Variants in TTC19 observed in about 807,000 individuals in gnomAD.
TTC19 encodes tetratricopeptide repeat protein 19, mitochondrial.
Under a neutral mutation model 49.5 loss-of-function variants are expected in TTC19, and 38 were observed. The ratio of observed to expected loss-of-function variants is 0.77; its 90% CI spans 0.59 to 1.01. The LOEUF (loss-of-function observed/expected upper bound fraction) is 1.01, where lower values mean the gene tolerates loss of function less well. Ranked by LOEUF, TTC19 falls within the 50% of genes least tolerant of loss-of-function variation. The pLI, the probability that TTC19 is intolerant of heterozygous loss-of-function variation, is 0.00. For missense variants in TTC19, 475 were observed against 477.7 expected (o/e 0.99, Z 0.05); for synonymous variants, 204 against 185.2 (o/e 1.10, Z -0.83).
At chr17:16,001,047 C>A (rs985018377) in intron 2 of TTC19, among the ~76,000 whole-genome samples, 2 of 152,166 alleles carry the variant, frequency 1.3e-5, no homozygotes, top group East Asian at 1.9e-4. Context: ...CTTGCTGTCA[C>A]CCTAGTGCAA....
Position 16,041,557 on chromosome 17 carries a change from GCCC to G in TTC19, c.248-2942_248-2940del, listed in dbSNP as rs377594813. Among the ~76,000 whole-genome samples the G allele has an allele frequency of 5.3e-5, 8 of 150,892 alleles. No individual in the cohort carries two copies. In the East Asian group the frequency reaches 1.4e-3, roughly 26 times the overall value. On this transcript the variant is annotated intron_variant, in intron 2 of 2. Coordinates refer to the TTC19 transcript ENST00000470649. ...GCCTCCCGAGCAGCTGGGATTATAGGCCCCCCGCCACCATGCCCAGCTAATTTT... is the reference window on the plus strand; with the variant it reads ...GCCTCCCGAGCAGCTGGGATTATAGGCCCGCCACCATGCCCAGCTAATTTT...
At chr17:16,036,595 A>C (rs1419814469) in intron 2 of TTC19, among the ~76,000 whole-genome samples, 1 of 152,246 alleles carries the variant, frequency 6.6e-6, no homozygotes, top group Non-Finnish European at 1.5e-5. Flanking sequence ...AACTTGCTGC[A>C]ACATCTTCAT....
chr17:16,030,813 T>TAG (rs1330514718), downstream of TTC19: 1 of 183,470 alleles, frequency 5.5e-6, no homozygotes, highest in East Asian at 8.8e-5. Flanking sequence ...ACACCAGTGA[T>TAG]AGGAGGGTCT....
intron 2 of TTC19, among the ~76,000 whole-genome samples, chr17:16,038,126 G>A (rs2056798924): frequency 6.6e-6 from 1 of 151,956 alleles, no homozygotes; most frequent in African/African-American, 2.4e-5. Context: ...TAGTGAGATA[G>A]ATCTTTTGCT....
chr17:16,037,337 A>T (rs960929153), intron 2 of TTC19, among the ~76,000 whole-genome samples: 2 of 152,218 alleles, frequency 1.3e-5, no homozygotes, highest in Admixed American at 1.3e-4. Flanking sequence ...ACACAGACAC[A>T]AAGGAGAGCC....
intron 7 of TTC19, among the ~76,000 whole-genome samples, chr17:16,009,500 C>CTT (rs75121828): frequency 9.9e-5 from 15 of 151,394 alleles, no homozygotes; most frequent in African/African-American, 3.4e-4. Context: ...TATGAAAACA[C>CTT]TTTTTTTTTC....
chr17:16,017,431 A>T (rs1168456256), intron 7 of TTC19, among the ~76,000 whole-genome samples: 30 of 143,368 alleles, frequency 2.1e-4, no homozygotes, highest in Admixed American at 9.2e-4. Flanking sequence ...CCTGGGCGAC[A>T]GAGTGAGACT....
chr17:16,042,095 TGA>T (rs774104186), intron 2 of TTC19, among the ~76,000 whole-genome samples: 1 of 152,016 alleles, frequency 6.6e-6, no homozygotes, highest in African/African-American at 2.4e-5. Flanking sequence ...GCTGAGCACA[TGA>T]GAGGAGGGAA....
At position 16,000,231 on chromosome 17, in the gene TTC19, C is replaced by T. The variant is rs772056549; in HGVS notation, c.298C>T (p.Leu100=). ...GGCCGAGGCAGAGATCATCCAGCTG[C>T]TGAAGCGAGCCAAGGTGAGGCGGCT... ...DEAEAEIIQL[L]KRAKLSIMKD... Residue 100 remains leucine (L), a synonymous_variant, in exon 2 of 10, where the codon CTG becomes TTG. Coordinates refer to ENST00000261647, the MANE Select transcript of TTC19 (RefSeq NM_017775.4). The T allele has an allele frequency of 1.3e-6, 2 of 1,595,310 alleles. No homozygotes were observed. Among genetic ancestry groups the T allele is most frequent in the South Asian group, 2.2e-5 (2 of 90,916 alleles).
chr17:16,040,779 C>T, intron 2 of TTC19: 1 of 403,508 alleles, frequency 2.5e-6, no homozygotes, highest in Non-Finnish European at 4.6e-6. Flanking sequence ...CCTAGTCCCC[C>T]AGCTACTCAG....
intron 2 of TTC19, among the ~76,000 whole-genome samples, chr17:16,038,355 A>G (rs2056844307): frequency 6.6e-6 from 1 of 152,222 alleles, no homozygotes; most frequent in African/African-American, 2.4e-5. Context: ...TGTCTGAAAC[A>G]ATGCTTATCA....
intron 7 of TTC19, among the ~76,000 whole-genome samples, chr17:16,014,012 T>A (rs949140504): frequency 2.0e-5 from 3 of 152,202 alleles, no homozygotes; most frequent in Non-Finnish European, 4.4e-5. Context: ...ACTGAAATCA[T>A]AAAGGAACAG....
intron 2 of TTC19, chr17:16,040,634 G>T: frequency 1.3e-6 from 1 of 791,774 alleles, no homozygotes; most frequent in Non-Finnish European, 2.0e-6. Flanking sequence ...ATTAAGTGAA[G>T]ATAAAATGGA....
In TTC19 at chr17:16,027,548, T is replaced by C. The variant is rs1469987644; in HGVS notation, c.*26T>C. 5 of 1,612,206 alleles carry C rather than the reference T, an allele frequency of 3.1e-6. No homozygotes were observed. The East Asian group carries it at 1.1e-4, about 36-fold the overall frequency. On this transcript the variant is annotated 3_prime_UTR_variant, in exon 10 of 10. Coordinates refer to ENST00000261647, the MANE Select transcript of TTC19 (RefSeq NM_017775.4). ...ATCCATTTTTGTGTAGGGAGAATAA[T>C]GTCTAGTAATGTGGAAGAATAGCTA...
chr17:16,032,501 A>G, downstream of TTC19: 1 of 1,562,660 alleles, frequency 6.4e-7, no homozygotes. Flanking sequence ...AAGAAAAATT[A>G]GGTTTTCATT....
intron 8 of TTC19, 63 bp downstream of exon 8, chr17:16,025,234 A>G (rs1971513108): frequency 1.2e-5 from 19 of 1,521,120 alleles, no homozygotes; most frequent in Admixed American, 1.8e-5. Flanking sequence ...AAGGGTGTGA[A>G]ATGTCACACT....
intron 7 of TTC19, among the ~76,000 whole-genome samples, chr17:16,021,563 G>C (rs1971386284): frequency 6.6e-6 from 1 of 152,158 alleles, no homozygotes; most frequent in South Asian, 2.1e-4. Context: ...TCTTATAGAG[G>C]GGGTAGGGAA....
In TTC19 at chr17:16,029,283, G is replaced by C; in HGVS notation, c.*1761G>C. ...TCTTCATGTGGGTGTTTTCATTACA[G>C]TTCATTTACACTGTTGTAAAATAAG... is the stretch of plus-strand genomic sequence containing the variant. On this transcript the variant is annotated 3_prime_UTR_variant, in exon 10 of 10. Transcript: ENST00000261647. The C allele has an allele frequency of 2.2e-6, 1 of 452,774 alleles. No homozygotes were observed. Among genetic ancestry groups the C allele is most frequent in the Admixed American group, 2.4e-5 (1 of 42,394 alleles). 28.0% of individuals were successfully genotyped at this position (452,774 alleles called of 1,614,324 possible). A position where few individuals can be genotyped will look rare whatever the true frequency, so the allele number is the denominator to read the frequency against.
intron 7 of TTC19, among the ~76,000 whole-genome samples, chr17:16,011,208 T>G (rs760818663): frequency 6.6e-6 from 1 of 152,172 alleles, no homozygotes; most frequent in Non-Finnish European, 1.5e-5. Context: ...TGAGACGGAG[T>G]CTCACTCTGT....
Sources: allele counts gnomAD v4.1 joint callset (sites outside exome capture counted in the v4.1 genomes callset), GRCh38; gene constraint gnomAD v4.1.1; transcripts MANE v1.5; gene names NCBI Gene and HGNC (gene_info 2026-07-23, HGNC 2026-07-21).